Variants in SLC24A2 observed in about 807,000 individuals in gnomAD.
The protein encoded by SLC24A2 is sodium/potassium/calcium exchanger 2.
In SLC24A2, 36 loss-of-function variants were observed where a neutral mutation model predicts 62.0. That is an observed-to-expected ratio of 0.58 (90% confidence interval 0.44 to 0.77). SLC24A2 has a LOEUF of 0.77. Ranked by LOEUF, SLC24A2 falls within the 30% of genes least tolerant of loss-of-function variation. The pLI is 0.00. For missense variants in SLC24A2, 846 were observed against 817.9 expected, an observed-to-expected ratio of 1.03 and a Z score of -0.42; for synonymous variants, 358 against 294.0, an observed-to-expected ratio of 1.22 and a Z score of -2.23.
At chr9:19,899,788 G>A in the SLC24A2 span, among the ~76,000 whole-genome samples, 3 of 152,134 alleles carry the variant, frequency 2.0e-5, no homozygotes, top group African/African-American at 7.2e-5. Context: ...ATGGCAGCAA[G>A]GAGAATAAGC....
chr9:19,802,051 C>A, the SLC24A2 span, among the ~76,000 whole-genome samples: 2 of 152,120 alleles, frequency 1.3e-5, no homozygotes, highest in Non-Finnish European at 2.9e-5. Context: ...ACATGATAAG[C>A]AGCTAAGTTG....
chr9:19,561,245 T>A (rs1371498223), intron 7 of SLC24A2, among the ~76,000 whole-genome samples: 1 of 151,216 alleles, frequency 6.6e-6, no homozygotes, highest in Non-Finnish European at 1.5e-5. Flanking sequence ...TTGTATTTTT[T>A]AACCAACTAA....
At chr9:19,812,209 T>C in the SLC24A2 span, among the ~76,000 whole-genome samples, 2 of 152,178 alleles carry the variant, frequency 1.3e-5, no homozygotes, top group Non-Finnish European at 2.9e-5. Flanking sequence ...GAATGATTTC[T>C]ATTTTTTCAA....
At chr9:19,685,160 A>G (rs1346583992) in intron 2 of SLC24A2, among the ~76,000 whole-genome samples, 1 of 152,156 alleles carries the variant, frequency 6.6e-6, no homozygotes, top group Non-Finnish European at 1.5e-5. Context: ...CCCATTCATA[A>G]TAGCCACAAA....
chr9:19,622,426 G>A, intron 2 of SLC24A2, 127 bp from the exon 3 acceptor site: 1 of 932,838 alleles, frequency 1.1e-6, no homozygotes, highest in Non-Finnish European at 1.7e-6. Context: ...CTCCTGGGAT[G>A]AGTTAAGCCA....
At chr9:20,178,263 G>A in the SLC24A2 span, among the ~76,000 whole-genome samples, 1 of 152,128 alleles carries the variant, frequency 6.6e-6, no homozygotes, top group Non-Finnish European at 1.5e-5. Context: ...AAGACAGTAA[G>A]TCATGGTAAG....
chr9:20,044,768 T>C, the SLC24A2 span, among the ~76,000 whole-genome samples: 1 of 152,204 alleles, frequency 6.6e-6, no homozygotes, highest in Non-Finnish European at 1.5e-5. Context: ...TTTCTTTGTA[T>C]ATAGGCCCTA....
At chr9:19,850,977 A>ACG in the SLC24A2 span, among the ~76,000 whole-genome samples, 1 of 45,370 alleles carries the variant, frequency 2.2e-5, no homozygotes, top group Non-Finnish European at 4.4e-5. Flanking sequence ...GTATATATAT[A>ACG]TATATATGTA....
chr9:19,779,614 C>T (rs1452323707), intron 2 of SLC24A2, among the ~76,000 whole-genome samples: 1 of 152,026 alleles, frequency 6.6e-6, no homozygotes. Context: ...AGGGAAAAAA[C>T]TGTAGATAAA....
the SLC24A2 span, among the ~76,000 whole-genome samples, chr9:19,889,476 T>G: frequency 6.6e-6 from 1 of 151,862 alleles, no homozygotes. Context: ...TCCAAAACAG[T>G]CCATAGGCCT....
At chr9:20,083,318 T>G in the SLC24A2 span, among the ~76,000 whole-genome samples, 133 of 152,326 alleles carry the variant, frequency 8.7e-4, no homozygotes, top group Non-Finnish European at 1.5e-3. Context: ...GCAGTTGCGC[T>G]GCACCTTACA....
At position 19,567,079 on chromosome 9, in the gene SLC24A2, G is replaced by A. The variant is rs139909962; in HGVS notation, c.1347+6272C>T. ...CATATGTAATAAACCTGCACGTTGT[G>A]CACATGTACCCTAGAACTTAAAGTA... On this transcript the variant is annotated intron_variant, in intron 7 of 10. Coordinates refer to ENST00000341998, the MANE Select transcript of SLC24A2 (RefSeq NM_020344.4). Among the ~76,000 whole-genome samples the A allele has an allele frequency of 9.6e-3, 1,448 of 150,868 alleles. 25 individuals carry two copies. Among genetic ancestry groups the A allele is most frequent in the African/African-American group, 0.032 (1,325 of 41,032 alleles).
chr9:19,948,865 AAT>A, the SLC24A2 span, among the ~76,000 whole-genome samples: 36,269 of 122,018 alleles, frequency 0.3, 5,448 homozygotes, highest in Non-Finnish European at 0.39. Flanking sequence ...AAAAAAAAAA[AAT>A]GAAAACAGAG....
chr9:20,058,492 T>TACACACACACACACACACACAC, the SLC24A2 span, among the ~76,000 whole-genome samples: 264 of 147,884 alleles, frequency 1.8e-3, no homozygotes, highest in African/African-American at 6.2e-3. Flanking sequence ...ATGCCCTTCA[T>TACACACACACACACACACACAC]ACACACACAC....
the SLC24A2 span, among the ~76,000 whole-genome samples, chr9:20,235,143 G>T: frequency 6.6e-6 from 1 of 152,202 alleles, no homozygotes; most frequent in Non-Finnish European, 1.5e-5. Context: ...CCTACTGGGG[G>T]GTGCCTCCCA....
At chr9:20,241,973 C>T in the SLC24A2 span, among the ~76,000 whole-genome samples, 1 of 152,178 alleles carries the variant, frequency 6.6e-6, no homozygotes, top group Non-Finnish European at 1.5e-5. Context: ...TTTCATTCTC[C>T]TCTAGAATCT....
the SLC24A2 span, among the ~76,000 whole-genome samples, chr9:19,874,861 TG>T: frequency 6.6e-6 from 1 of 152,222 alleles, no homozygotes; most frequent in East Asian, 1.9e-4. Flanking sequence ...CTTCAATTTT[TG>T]TCTTTAAATT....
chr9:19,555,011 C>T (rs1040355769), intron 7 of SLC24A2, among the ~76,000 whole-genome samples: 4 of 152,102 alleles, frequency 2.6e-5, no homozygotes, highest in Non-Finnish European at 5.9e-5. Flanking sequence ...CTTATTAATG[C>T]AGGTCAGGGG....
At chr9:19,538,709 C>A (rs1834095791) in intron 8 of SLC24A2, among the ~76,000 whole-genome samples, 1 of 131,756 alleles carries the variant, frequency 7.6e-6, no homozygotes, top group Admixed American at 7.9e-5. Flanking sequence ...CAGAATGATG[C>A]TGGCCTCATA....
Sources: allele counts gnomAD v4.1 joint callset (sites outside exome capture counted in the v4.1 genomes callset), GRCh38; gene constraint gnomAD v4.1.1; transcripts MANE v1.5; gene names NCBI Gene and HGNC (gene_info 2026-07-23, HGNC 2026-07-21).